The following SEMA5A variants were observed in gnomAD, a reference collection of about 807,000 sequenced individuals.
The protein encoded by SEMA5A is semaphorin-5A.
A neutral mutation model predicts 135.5 loss-of-function variants in SEMA5A; 55 were observed. That is an observed-to-expected ratio of 0.41 (90% CI 0.33 to 0.51). The LOEUF (loss-of-function observed/expected upper bound fraction) is 0.51, where lower values mean the gene tolerates loss of function less well. SEMA5A is among the 20% of genes least tolerant of loss of function. The pLI, the probability that SEMA5A is intolerant of heterozygous loss-of-function variation, is 0.37. For missense variants in SEMA5A, 1,290 were observed against 1,419.9 expected (o/e 0.91, Z 1.47); for synonymous variants, 580 against 546.5 (o/e 1.06, Z -0.85).
intron 2 of SEMA5A, among the ~76,000 whole-genome samples, chr5:9,395,708 T>C (rs1274589379): frequency 6.6e-6 from 1 of 152,238 alleles, no homozygotes; most frequent in East Asian, 1.9e-4. Flanking sequence ...TAATTCGTTA[T>C]AGGCAAAGTA....
At chr5:9,285,191 A>G (rs1037250774) in intron 5 of SEMA5A, among the ~76,000 whole-genome samples, 3 of 152,148 alleles carry the variant, frequency 2.0e-5, no homozygotes, top group Non-Finnish European at 2.9e-5. Flanking sequence ...CTTCTACTCT[A>G]CAAATGATTT....
chr5:9,212,848 G>A (rs946514297), intron 8 of SEMA5A, among the ~76,000 whole-genome samples: 1 of 152,284 alleles, frequency 6.6e-6, no homozygotes, highest in East Asian at 1.9e-4. Context: ...AAATAGTGGG[G>A]AAAACAAAGA....
At chr5:9,078,080 T>A (rs565789208) in intron 16 of SEMA5A, among the ~76,000 whole-genome samples, 2 of 152,340 alleles carry the variant, frequency 1.3e-5, no homozygotes, top group Admixed American at 6.5e-5. Flanking sequence ...AAGATCCATC[T>A]ATTTATTTTA....
rs1046911280 is a variant in SEMA5A at position 9,112,214 on chromosome 5, G to C, written c.1926-3927C>G. Among the ~76,000 whole-genome samples the C allele has an allele frequency of 4.6e-5, 7 of 152,078 alleles. No homozygotes were observed. The East Asian group carries it at 9.6e-4, about 21-fold the overall frequency. On this transcript the variant is annotated intron_variant, in intron 15 of 22. Transcript: ENST00000382496. The stretch of plus-strand genomic sequence containing the variant: ...AAAAGTCAATTAATGACCTAGCACT[G>C]TTTCTCTATAAATTATCCACTTTTT...
chr5:9,316,317 C>CA (rs1176658843), intron 5 of SEMA5A, among the ~76,000 whole-genome samples: 3 of 152,064 alleles, frequency 2.0e-5, no homozygotes, highest in African/African-American at 7.2e-5. Context: ...AGTCACTTCT[C>CA]AAAAAAATCC....
chr5:9,322,955 A>G (rs1365282830), intron 4 of SEMA5A, among the ~76,000 whole-genome samples: 1 of 152,222 alleles, frequency 6.6e-6, no homozygotes, highest in Non-Finnish European at 1.5e-5. Flanking sequence ...AGTTCTGCTA[A>G]TAACAAACTT....
At chr5:9,358,317 C>A (rs1023164244) in intron 3 of SEMA5A, among the ~76,000 whole-genome samples, 2 of 152,184 alleles carry the variant, frequency 1.3e-5, no homozygotes, top group Non-Finnish European at 2.9e-5. Context: ...TTGGTTCTAA[C>A]TGTAGTGAGT....
chr5:9,130,769 C>CATCT (rs1252847578), intron 13 of SEMA5A, among the ~76,000 whole-genome samples: 2 of 152,316 alleles, frequency 1.3e-5, no homozygotes, highest in East Asian at 3.9e-4. Context: ...CTCTAAGCAT[C>CATCT]ATCTGTTGGT....
chr5:9,270,174 T>C (rs932116884), intron 5 of SEMA5A, among the ~76,000 whole-genome samples: 3 of 152,102 alleles, frequency 2.0e-5, no homozygotes. Flanking sequence ...GCCTCTCTGG[T>C]AGACAACACT....
chr5:9,197,602 T>C (rs1213761108), intron 9 of SEMA5A, among the ~76,000 whole-genome samples: 2 of 152,176 alleles, frequency 1.3e-5, no homozygotes, highest in Non-Finnish European at 2.9e-5. Context: ...AGCTATCTGC[T>C]TCACCTTTCA....
At chr5:9,353,189 G>GGGAAAGGAAAGGAAAGGAAAGGAAA in intron 3 of SEMA5A, among the ~76,000 whole-genome samples, 190 of 16,694 alleles carry the variant, frequency 0.011, 8 homozygotes, top group Middle Eastern at 0.05. Context: ...AGGAAGGGAA[G>GGGAAAGGAAAGGAAAGGAAAGGAAA]GGAAAGGAAA....
intron 3 of SEMA5A, among the ~76,000 whole-genome samples, chr5:9,353,105 A>AGGAAAGGAAAGGAAAGGAAC (rs1754224168): frequency 2.9e-5 from 1 of 34,182 alleles, no homozygotes; most frequent in Non-Finnish European, 6.5e-5. Flanking sequence ...AAGGAAGGAA[A>AGGAAAGGAAAGGAAAGGAAC]GGAAAGGAAA....
chr5:9,507,933 GGCATAGCTT>G (rs974392781), intron 1 of SEMA5A, among the ~76,000 whole-genome samples: 4 of 151,562 alleles, frequency 2.6e-5, no homozygotes, highest in Non-Finnish European at 5.9e-5. Context: ...GAACCCAGGA[GGCATAGCTT>G]GCAGTAAGCC....
intron 1 of SEMA5A, among the ~76,000 whole-genome samples, chr5:9,445,945 C>T (rs540637599): frequency 1.3e-5 from 2 of 152,312 alleles, no homozygotes; most frequent in East Asian, 1.9e-4. Flanking sequence ...AAATACTCTT[C>T]CCACTTGGAG....
chr5:9,249,178 C>T (rs919651283), intron 5 of SEMA5A, among the ~76,000 whole-genome samples: 7 of 152,152 alleles, frequency 4.6e-5, no homozygotes, highest in African/African-American at 1.7e-4. Context: ...AAAGCCTAGA[C>T]ACAGGAGAAG....
chr5:9,417,949 G>A (rs76950881), intron 2 of SEMA5A, among the ~76,000 whole-genome samples: 17,974 of 151,164 alleles, frequency 0.12, 1,392 homozygotes, highest in South Asian at 0.18. Context: ...GCAGAGCAGA[G>A]CACAGGAGCA....
At chr5:9,064,433 C>T (rs77660522) in intron 17 of SEMA5A, among the ~76,000 whole-genome samples, 1 of 152,088 alleles carries the variant, frequency 6.6e-6, no homozygotes, top group Non-Finnish European at 1.5e-5. Context: ...GAAAATGTGG[C>T]ACATATACAC....
intron 1 of SEMA5A, among the ~76,000 whole-genome samples, chr5:9,534,433 A>C (rs1365388048): frequency 6.6e-6 from 1 of 152,200 alleles, no homozygotes; most frequent in Admixed American, 6.5e-5. Flanking sequence ...AACTGCACTA[A>C]AGTCCATGTG....
chr5:9,269,806 A>T (rs1013376928), intron 5 of SEMA5A, among the ~76,000 whole-genome samples: 1 of 152,170 alleles, frequency 6.6e-6, no homozygotes, highest in African/African-American at 2.4e-5. Context: ...CATAAGAATT[A>T]GTTCTAACAC....
Sources: allele counts gnomAD v4.1 joint callset (sites outside exome capture counted in the v4.1 genomes callset), GRCh38; gene constraint gnomAD v4.1.1; transcripts MANE v1.5; gene names NCBI Gene and HGNC (gene_info 2026-07-23, HGNC 2026-07-21).